The following IL17RA variants were observed in gnomAD, a reference collection of about 807,000 sequenced individuals.
IL17RA encodes interleukin-17 receptor A.
A neutral mutation model predicts 50.4 loss-of-function variants in IL17RA; 34 were observed. That is an observed-to-expected ratio of 0.67 (90% CI 0.51 to 0.90). The LOEUF (loss-of-function observed/expected upper bound fraction) is 0.90, where lower values mean the gene tolerates loss of function less well. Ranked by LOEUF, IL17RA falls within the 40% of genes least tolerant of loss-of-function variation. The pLI is 0.00. For synonymous variants in IL17RA, 585 were observed against 510.4 expected (o/e 1.15, Z -1.97); for missense variants, 1,276 against 1,169.8 (o/e 1.09, Z -1.32).
At chr22:17,102,495 G>A (rs1271762417) in intron 7 of IL17RA, among the ~76,000 whole-genome samples, 193 bp downstream of exon 7, 2 of 152,030 alleles carry the variant, frequency 1.3e-5, no homozygotes, top group Non-Finnish European at 2.9e-5. Flanking sequence ...AAAGGCAGTT[G>A]ACTGTGTCCT....
intron 1 of IL17RA, among the ~76,000 whole-genome samples, chr22:17,096,197 T>A (rs1222208424): frequency 6.6e-6 from 1 of 152,146 alleles, no homozygotes; most frequent in Non-Finnish European, 1.5e-5. Context: ...GCTTCTAAAT[T>A]TGGCCATCAG....
At position 17,097,925 on chromosome 22, in the gene IL17RA, T is replaced by G; in HGVS notation, c.292T>G (p.Trp98Gly). 5.6e-6 allele frequency: 9 copies of G among 1,614,102 alleles called. No individual in the cohort carries two copies. Among genetic ancestry groups the G allele is most frequent in the Non-Finnish European group, 6.8e-6 (8 of 1,180,030 alleles). The change falls in exon 3 of 13, where the codon TGG becomes GGG. Residue 98 changes from tryptophan (W) to glycine (G), a missense_variant. By Grantham distance (184) the Trp-to-Gly change is radical (BLOSUM62 -2). Coordinates refer to ENST00000319363, the MANE Select transcript of IL17RA (RefSeq NM_014339.7). ...CCTGTTCCCCGTGGCTCACATCGAA[T>G]GGACACTGCAGACAGACGGTGAGTG... The part of the protein sequence containing the change: ...GDLFPVAHIE[W>G]TLQTDASILY...
rs770161898 is a variant in IL17RA, at chr22:17,104,776, G to T, written c.897G>T (p.Ala299=). Residue 299 remains alanine, a synonymous_variant, in exon 9 of 13, where the codon GCG becomes GCT. Transcript: ENST00000319363. ...SCLNDCLRHS[A]TVSCPEMPDT... is the part of the protein sequence containing the mutation. The stretch of plus-strand genomic sequence containing the variant: ...TCAATGACTGCCTCAGACACTCCGC[G>T]ACTGTTTCCTGCCCAGAAATGCCAG... The T allele has an allele frequency of 1.2e-6, 2 of 1,614,110 alleles. No homozygotes were observed. The highest frequency in any genetic ancestry group is 1.1e-5 in the South Asian group (1 of 91,078).
At chr22:17,103,376 C>A in intron 7 of IL17RA, 118 bp from the exon 8 acceptor site, 1 of 775,800 alleles carries the variant, frequency 1.3e-6, no homozygotes. Flanking sequence ...GCATTTCTCC[C>A]CTGGCCTTCC....
intron 1 of IL17RA, among the ~76,000 whole-genome samples, chr22:17,095,760 G>GT (rs397693436): frequency 6.6e-6 from 1 of 152,124 alleles, no homozygotes; most frequent in Non-Finnish European, 1.5e-5. Context: ...CCCTAGTGGG[G>GT]TGGTGATGCT....
intron 1 of IL17RA, among the ~76,000 whole-genome samples, chr22:17,094,667 C>CTATATATATATATATATA (rs2061359995): frequency 4.0e-4 from 10 of 25,100 alleles, no homozygotes; most frequent in Non-Finnish European, 9.6e-4. Flanking sequence ...CTCTCTCTCT[C>CTATATATATATATATATA]TCTCTCTCTC....
chr22:17,104,886 T>C (rs1242952279), intron 9 of IL17RA, 76 bp downstream of exon 9: 26 of 1,390,268 alleles, frequency 1.9e-5, no homozygotes, highest in Non-Finnish European at 2.7e-5. Flanking sequence ...GCTGCGTCCT[T>C]ACCTGGTTCT....
At position 17,108,577 on chromosome 22, in the gene IL17RA, C is replaced by T. The variant is rs2061423882; in HGVS notation, c.1358C>T (p.Ala453Val). ...GTCCTGTGCTCCCGCGGCACGCGCG[C>T]CAAGTGGCAGGCGCTCCTGGGCCGG... ...IIVLCSRGTR[A>V]KWQALLGRGA... is the part of the protein sequence containing the mutation. The change falls in exon 13 of 13, where the codon GCC becomes GTC. Residue 453 changes from alanine (A) to valine (V), a missense_variant. Physicochemically the swap from Ala to Val is moderately conservative, Grantham distance 64 (BLOSUM62 0). Transcript: ENST00000319363. 1 of 1,606,340 alleles carries T rather than the reference C, an allele frequency of 6.2e-7. No individual in the cohort carries two copies. Among genetic ancestry groups the T allele is most frequent in the African/African-American group, 1.3e-5 (1 of 74,936 alleles).
chr22:17,102,270 A>T lies in IL17RA; in HGVS notation c.730A>T (p.Ser244Cys), dbSNP rs1224744002. 1 of 1,614,140 alleles carries T rather than the reference A, an allele frequency of 6.2e-7. No individual in the cohort carries two copies. Among genetic ancestry groups the T allele is most frequent in the Non-Finnish European group, 8.5e-7 (1 of 1,180,028 alleles). The change falls in exon 7 of 13, where the codon AGT becomes TGT. Residue 244 changes from serine to cysteine, a missense_variant. Physicochemically the swap from Ser to Cys is moderately radical, Grantham distance 112. Transcript: ENST00000319363. The part of the protein sequence containing the change: ...LTSFPHMENH[S>C]CFEHMHHIPA... Reference sequence around the variant, plus strand: ...CAGTTTTCCGCACATGGAGAACCACAGTTGCTTTGAGCACATGCACCACAT... The same window carrying T: ...CAGTTTTCCGCACATGGAGAACCACTGTTGCTTTGAGCACATGCACCACAT...
chr22:17,096,637 G>A (rs1339806698), intron 1 of IL17RA, among the ~76,000 whole-genome samples: 3 of 152,106 alleles, frequency 2.0e-5, no homozygotes, highest in African/African-American at 4.8e-5. Flanking sequence ...TTGGGAGGCC[G>A]AGGCAGGCGG....
rs139412425 is a variant in IL17RA, at chr22:17,108,386, C to G, written c.1167C>G (p.Pro389=). Reference sequence around the variant, plus strand: ...GGATCATCTACTCAGCCGACCACCCCCTCTACGTGGACGTGGTCCTGAAAT... The same window carrying G: ...GGATCATCTACTCAGCCGACCACCCGCTCTACGTGGACGTGGTCCTGAAAT... ...KVWIIYSADH[P]LYVDVVLKFA... is the part of the protein sequence containing the mutation. Residue 389 remains proline, a synonymous_variant, in exon 13 of 13, where the codon CCC becomes CCG. Transcript: ENST00000319363. 13 of 1,613,930 alleles carry G rather than the reference C, an allele frequency of 8.1e-6. No homozygotes were observed. The East Asian group carries it at 1.6e-4, about 19-fold the overall frequency.
intron 1 of IL17RA, among the ~76,000 whole-genome samples, chr22:17,088,065 C>T (rs41410947): frequency 2.0e-5 from 3 of 152,166 alleles, no homozygotes; most frequent in Non-Finnish European, 2.9e-5. Flanking sequence ...CCATACTCAA[C>T]GACAGCTTAC....
chr22:17,104,871 C>T (rs911225585), intron 9 of IL17RA, 61 bp downstream of exon 9: 3 of 1,504,860 alleles, frequency 2.0e-6, no homozygotes, highest in African/African-American at 2.8e-5. Flanking sequence ...AGGCCCCCAG[C>T]CTGTGCTGCG....
chr22:17,094,380 T>C (rs1231504318), intron 1 of IL17RA, among the ~76,000 whole-genome samples: 1 of 152,026 alleles, frequency 6.6e-6, no homozygotes, highest in Non-Finnish European at 1.5e-5. Context: ...AGTTTGGCTC[T>C]TTGAGTTTGA....
chr22:17,098,016 A>G, intron 3 of IL17RA, 73 bp downstream of exon 3: 3 of 1,583,836 alleles, frequency 1.9e-6, no homozygotes, highest in Non-Finnish European at 2.6e-6. Flanking sequence ...CAGGCTCAGG[A>G]TTGGGCTCCC....
Position 17,109,157 on chromosome 22 carries a change from A to C in IL17RA, c.1938A>C (p.Ala646=), listed in dbSNP as rs532842798. ...DPLVGEEGGA[A]VAKLEPHLQP... ...TGGTCGGGGAGGAAGGAGGAGCAGC[A>C]GTGGCAAAGCTGGAACCTCACCTGC... Residue 646 remains alanine (A), a synonymous_variant, in exon 13 of 13, where the codon GCA becomes GCC. Coordinates refer to ENST00000319363, the MANE Select transcript of IL17RA (RefSeq NM_014339.7). 1 of 1,533,290 alleles carries C rather than the reference A, an allele frequency of 6.5e-7. No homozygotes were observed. The highest frequency in any genetic ancestry group is 1.2e-5 in the South Asian group (1 of 83,916). The allele number at this position is 1,533,290 out of a possible 1,614,324, so 95.0% of individuals were successfully genotyped here. A position where few individuals can be genotyped will look rare whatever the true frequency, so the allele number is the denominator to read the frequency against.
intron 7 of IL17RA, among the ~76,000 whole-genome samples, chr22:17,102,540 C>T (rs528995568): frequency 8.5e-5 from 13 of 152,098 alleles, no homozygotes; most frequent in African/African-American, 2.7e-4. Context: ...CTTTCCTCCC[C>T]CACACGCCCC....
intron 4 of IL17RA, among the ~76,000 whole-genome samples, chr22:17,099,241 G>A (rs1215158342): frequency 1.3e-5 from 2 of 152,138 alleles, no homozygotes; most frequent in Admixed American, 6.5e-5. Flanking sequence ...CATCTTTTAT[G>A]TGTAACTTGG....
rs139412425 is a variant in IL17RA at position 17,108,386 on chromosome 22, C to T, written c.1167C>T (p.Pro389=). 3 of 1,614,048 alleles carry T rather than the reference C, an allele frequency of 1.9e-6. No individual in the cohort carries two copies. Among genetic ancestry groups the T allele is most frequent in the Non-Finnish European group, 1.7e-6 (2 of 1,179,934 alleles). ...GGATCATCTACTCAGCCGACCACCC[C>T]CTCTACGTGGACGTGGTCCTGAAAT... ...KVWIIYSADH[P]LYVDVVLKFA... is the part of the protein sequence containing the mutation. The change falls in exon 13 of 13, where the codon CCC becomes CCT. Residue 389 remains proline (P), a synonymous_variant. Transcript: ENST00000319363.
Sources: gnomAD v4.1 joint callset for allele counts (sites outside exome capture counted in the v4.1 genomes callset) on GRCh38, gnomAD v4.1.1 for gene constraint, MANE v1.5 for transcripts, NCBI Gene and HGNC (gene_info 2026-07-23, HGNC 2026-07-21) for gene names.